The following VWA5A variants were observed in gnomAD, a reference collection of about 807,000 sequenced individuals.
VWA5A encodes von Willebrand factor A domain containing 5A, also known as von Willebrand factor A domain-containing protein 5A.
Under a neutral mutation model 84.6 loss-of-function variants are expected in VWA5A, and 77 were observed. The ratio of observed to expected loss-of-function variants is 0.91; its 90% CI spans 0.76 to 1.10. The LOEUF is 1.10. Among genes scored for constraint, VWA5A ranks in the 50% least tolerant of loss-of-function variants. The pLI is 0.00. For missense variants in VWA5A, 973 were observed against 963.0 expected (o/e 1.01, Z -0.14); for synonymous variants, 334 against 350.1 (o/e 0.95, Z 0.51).
rs772436549 is a variant in VWA5A, at chr11:124,136,707, TCCTTCCTTCCTTC to T, written c.1625+35_1625+47del. On this transcript the variant is annotated intron_variant, in intron 14 of 18. Coordinates refer to ENST00000456829, the MANE Select transcript of VWA5A (RefSeq NM_001130142.2). ...TTCAGTTTTCCCTTCCTTCCTTCCT[TCCTTCCTTCCTTC>T]CTTCCTTCCTTCCTTCCTTCCTTCC... 585 of 957,104 alleles carry T rather than the reference TCCTTCCTTCCTTC, an allele frequency of 6.1e-4. 2 individuals are homozygous for T. The Middle Eastern group carries it at 0.012, about 20-fold the overall frequency. The allele number at this position is 957,104 out of a possible 1,614,324, so 59.3% of individuals were successfully genotyped here. A position where few individuals can be genotyped will look rare whatever the true frequency, so the allele number is the denominator to read the frequency against.
chr11:124,140,470 AT>A (rs113680412), intron 15 of VWA5A, among the ~76,000 whole-genome samples: 24,409 of 149,886 alleles, frequency 0.16, 2,350 homozygotes, highest in Middle Eastern at 0.35. Context: ...GAATTTTTAA[AT>A]TTTTTTTTTT....
intron 7 of VWA5A, among the ~76,000 whole-genome samples, chr11:124,120,334 G>A (rs1050448340): frequency 1.3e-5 from 2 of 152,178 alleles, no homozygotes; most frequent in Non-Finnish European, 2.9e-5. Flanking sequence ...GAGTTTCGGT[G>A]ACACAGGACT....
chr11:124,144,558 A>G (rs1284552330), intron 17 of VWA5A, among the ~76,000 whole-genome samples: 1 of 152,236 alleles, frequency 6.6e-6, no homozygotes, highest in Non-Finnish European at 1.5e-5. Flanking sequence ...AAATAAGACC[A>G]CTCAGAGAGG....
At chr11:124,129,972 A>G (rs1865074143) in intron 11 of VWA5A, among the ~76,000 whole-genome samples, 1 of 151,716 alleles carries the variant, frequency 6.6e-6, no homozygotes, top group Non-Finnish European at 1.5e-5. Context: ...TTCTGTTTCT[A>G]TCTCCTTCAG....
intron 4 of VWA5A, 143 bp downstream of exon 4, chr11:124,118,018 C>T (rs1028750321): frequency 1.5e-6 from 2 of 1,301,112 alleles, no homozygotes; most frequent in Non-Finnish European, 2.1e-6. Context: ...TCTTTTCTAA[C>T]TGCCATTTTT....
At chr11:124,117,931 C>G in intron 4 of VWA5A, 56 bp downstream of exon 4, 2 of 1,582,290 alleles carry the variant, frequency 1.3e-6, no homozygotes, top group Non-Finnish European at 1.7e-6. Flanking sequence ...TTCTTATTTC[C>G]TTAATGCATA....
At chr11:124,136,068 T>C in intron 12 of VWA5A, 61 bp from the exon 13 acceptor site, 1 of 1,560,820 alleles carries the variant, frequency 6.4e-7, no homozygotes, top group Non-Finnish European at 8.8e-7. Flanking sequence ...AAATGTCCAG[T>C]TAATTGTAGC....
Position 124,136,569 on chromosome 11 carries a change from T to C in VWA5A, c.1525-5T>C, listed in dbSNP as rs751950466. 1 of 1,613,610 alleles carries C rather than the reference T, an allele frequency of 6.2e-7. No homozygotes were observed. The highest frequency in any genetic ancestry group is 2.2e-5 in the East Asian group (1 of 44,864). Reference sequence around the variant, plus strand: ...CCGTCATTTCTACTCATCTCTAATTTGCAGGCAGCAGAGACAACAGGAGAA... The same window carrying C: ...CCGTCATTTCTACTCATCTCTAATTCGCAGGCAGCAGAGACAACAGGAGAA... On this transcript the variant is annotated splice_polypyrimidine_tract_variant and splice_region_variant and intron_variant, in intron 13 of 18. Coordinates refer to ENST00000456829, the MANE Select transcript of VWA5A (RefSeq NM_001130142.2).
chr11:124,142,764 C>T (rs1293112015), intron 17 of VWA5A, among the ~76,000 whole-genome samples, 192 bp downstream of exon 17: 1 of 152,066 alleles, frequency 6.6e-6, no homozygotes. Flanking sequence ...AATGGGGAAG[C>T]TAGTAGGAAT....
intron 17 of VWA5A, among the ~76,000 whole-genome samples, chr11:124,143,834 T>C (rs949586468): frequency 6.6e-6 from 1 of 152,142 alleles, no homozygotes; most frequent in African/African-American, 2.4e-5. Flanking sequence ...GACTGACATT[T>C]CCTTCTTTGG....
chr11:124,119,030 A>G lies in VWA5A; in HGVS notation c.701A>G (p.Tyr234Cys), dbSNP rs776614312. 3.1e-6 allele frequency: 5 copies of G among 1,614,114 alleles called. No individual in the cohort carries two copies. Among genetic ancestry groups the G allele is most frequent in the Admixed American group, 1.7e-5 (1 of 60,010 alleles). ...CGGGACGTGGAACTCCTGATTTACT[A>G]CAATGAGGTGCATACCCCCAGCGTG... is the stretch of plus-strand genomic sequence containing the variant. The part of the protein sequence containing the change: ...FDRDVELLIY[Y>C]NEVHTPSVVL... Residue 234 changes from tyrosine (Y) to cysteine (C), a missense_variant, in exon 7 of 19, where the codon TAC becomes TGC. Coordinates refer to ENST00000456829, the MANE Select transcript of VWA5A (RefSeq NM_001130142.2).
At chr11:124,142,203 G>A (rs915203446) in intron 16 of VWA5A, among the ~76,000 whole-genome samples, 2 of 152,194 alleles carry the variant, frequency 1.3e-5, no homozygotes, top group Non-Finnish European at 2.9e-5. Flanking sequence ...CAGCTTGCCT[G>A]CGGGCTGCCC....
chr11:124,120,800 A>G (rs1346614590), intron 7 of VWA5A, among the ~76,000 whole-genome samples: 1 of 152,214 alleles, frequency 6.6e-6, no homozygotes, highest in African/African-American at 2.4e-5. Flanking sequence ...GTGTCAGTTA[A>G]GATTATTTCA....
chr11:124,118,280 A>G lies in VWA5A; in HGVS notation c.338A>G (p.Asn113Ser), dbSNP rs1316388377. The change falls in exon 5 of 19, where the codon AAT becomes AGT. Residue 113 changes from asparagine to serine, a missense_variant. Asn to Ser is a conservative substitution (Grantham distance 46). Transcript: ENST00000456829. ...DSSSRDVFSC[N>S]VGNLQPGSKA... is the part of the protein sequence containing the mutation. ...AGCTCCAGGGATGTCTTCTCTTGCA[A>G]TGTGGGTAACCTCCAACCTGGGTCG... 1 of 1,614,034 alleles carries G rather than the reference A, an allele frequency of 6.2e-7. No homozygotes were observed. Among genetic ancestry groups the G allele is most frequent in the African/African-American group, 1.3e-5 (1 of 74,914 alleles).
intron 12 of VWA5A, 40 bp from the exon 13 acceptor site, chr11:124,136,089 T>C: frequency 6.3e-7 from 1 of 1,598,544 alleles, no homozygotes; most frequent in Non-Finnish European, 8.6e-7. Flanking sequence ...TGCCATTGTC[T>C]GTATCATTTG....
chr11:124,124,344 A>T (rs780134817), intron 11 of VWA5A, 28 bp downstream of exon 11: 17 of 1,611,094 alleles, frequency 1.1e-5, no homozygotes, highest in Non-Finnish European at 1.4e-5. Flanking sequence ...TTTCCGGGTG[A>T]TTGGTGCTGA....
chr11:124,117,407 T>C, intron 2 of VWA5A, 90 bp from the exon 3 acceptor site: 1 of 1,244,580 alleles, frequency 8.0e-7, no homozygotes, highest in Non-Finnish European at 1.2e-6. Flanking sequence ...TTTGAATGTA[T>C]TCTTATGCCA....
intron 15 of VWA5A, among the ~76,000 whole-genome samples, chr11:124,137,561 C>CT (rs1330801101): frequency 6.6e-6 from 1 of 152,114 alleles, no homozygotes; most frequent in Non-Finnish European, 1.5e-5. Context: ...GCTGATTTAT[C>CT]TTTTTTATTG....
At chr11:124,116,268 C>A (rs1864828345) in intron 1 of VWA5A, 2 of 152,258 alleles carry the variant, frequency 1.3e-5, no homozygotes, top group South Asian at 4.1e-4. Context: ...GAAGTGCCAT[C>A]CTGAGAGACA....
Sources: allele counts gnomAD v4.1 joint callset (sites outside exome capture counted in the v4.1 genomes callset), GRCh38; gene constraint gnomAD v4.1.1; transcripts MANE v1.5; gene names NCBI Gene and HGNC (gene_info 2026-07-23, HGNC 2026-07-21).